KCNAB1: variants seen among roughly 807,000 people sequenced by gnomAD.
KCNAB1 encodes voltage-gated potassium channel subunit beta-1.
In KCNAB1, 35 loss-of-function variants were observed where a neutral mutation model predicts 64.6. The observed-to-expected ratio is 0.54, with a 90% confidence interval of 0.41 to 0.72. The LOEUF is 0.72. Ranked by LOEUF, KCNAB1 falls within the 30% of genes least tolerant of loss-of-function variation. The pLI, the probability that KCNAB1 is intolerant of heterozygous loss-of-function variation, is 0.00. For synonymous variants in KCNAB1, 177 were observed against 183.8 expected (o/e 0.96, Z 0.30); for missense variants, 401 against 512.9 (o/e 0.78, Z 2.11).
At chr3:156,347,526 C>T (rs1478230331) in intron 1 of KCNAB1, among the ~76,000 whole-genome samples, 1 of 152,190 alleles carries the variant, frequency 6.6e-6, no homozygotes, top group African/African-American at 2.4e-5. Context: ...TCTTCAGTTC[C>T]ATATTATAAA....
chr3:156,518,158 C>A (rs973588460), intron 11 of KCNAB1, among the ~76,000 whole-genome samples: 4 of 152,142 alleles, frequency 2.6e-5, no homozygotes, highest in Non-Finnish European at 4.4e-5. Flanking sequence ...AGCCCAAAAG[C>A]AGCTTGGGAA....
chr3:156,457,364 T>C, intron 3 of KCNAB1, 89 bp from the exon 4 acceptor site: 1 of 1,589,778 alleles, frequency 6.3e-7, no homozygotes, highest in Non-Finnish European at 8.6e-7. Context: ...GAGAGGTCAG[T>C]GTTCCTAAAG....
At chr3:156,222,794 A>G (rs1715866736) in intron 1 of KCNAB1, among the ~76,000 whole-genome samples, 1 of 152,244 alleles carries the variant, frequency 6.6e-6, no homozygotes. Context: ...AAACCATGCA[A>G]ATATATGGAA....
intron 1 of KCNAB1, among the ~76,000 whole-genome samples, chr3:156,174,309 C>T (rs1229455273): frequency 1.3e-5 from 2 of 152,084 alleles, no homozygotes; most frequent in African/African-American, 4.8e-5. Context: ...GTGGTTTGTT[C>T]TTGGGTAGGA....
chr3:156,465,965 TTTA>T (rs1358332514), intron 7 of KCNAB1, among the ~76,000 whole-genome samples: 17 of 152,172 alleles, frequency 1.1e-4, no homozygotes, highest in African/African-American at 3.6e-4. Flanking sequence ...TTAAAAGAGC[TTTA>T]TTGAGATATA....
intron 1 of KCNAB1, among the ~76,000 whole-genome samples, chr3:156,370,017 AAAT>A (rs1726196618): frequency 6.6e-6 from 1 of 152,244 alleles, no homozygotes; most frequent in Admixed American, 6.5e-5. Context: ...ATGCACAATA[AAAT>A]GTTCATAAAA....
At chr3:156,173,048 CTGGCAAGTGT>C (rs1327416766) in intron 1 of KCNAB1, among the ~76,000 whole-genome samples, 7 of 152,308 alleles carry the variant, frequency 4.6e-5, no homozygotes, top group African/African-American at 1.7e-4. Context: ...TTGAAAGCAT[CTGGCAAGTGT>C]TTAGAAAAGG....
intron 1 of KCNAB1, chr3:156,143,484 G>A: frequency 1.8e-6 from 2 of 1,113,196 alleles, no homozygotes; most frequent in Middle Eastern, 2.2e-4. Context: ...TGTTATTAAA[G>A]AAATAAGGAC....
chr3:156,180,904 T>G (rs1712763665), intron 1 of KCNAB1, among the ~76,000 whole-genome samples: 2 of 152,162 alleles, frequency 1.3e-5, no homozygotes, highest in Non-Finnish European at 2.9e-5. Context: ...ACAGACTAGG[T>G]GACTGAGGAA....
intron 8 of KCNAB1, among the ~76,000 whole-genome samples, chr3:156,492,331 T>C (rs901116273): frequency 1.3e-5 from 2 of 152,192 alleles, no homozygotes; most frequent in African/African-American, 4.8e-5. Context: ...CCCTTGAATC[T>C]GGACATGCTC....
At chr3:156,423,539 C>A (rs921809270) in intron 2 of KCNAB1, among the ~76,000 whole-genome samples, 6 of 151,978 alleles carry the variant, frequency 3.9e-5, no homozygotes, top group Non-Finnish European at 5.9e-5. Flanking sequence ...AGAAGACATG[C>A]GGGACAGAAG....
At chr3:156,427,924 T>C (rs533654853) in intron 2 of KCNAB1, among the ~76,000 whole-genome samples, 5 of 152,134 alleles carry the variant, frequency 3.3e-5, no homozygotes, top group African/African-American at 9.7e-5. Context: ...ATTCATTCCA[T>C]GGGAGGTAAC....
intron 1 of KCNAB1, among the ~76,000 whole-genome samples, chr3:156,392,650 A>G (rs1195468044): frequency 6.6e-6 from 1 of 152,218 alleles, no homozygotes; most frequent in Non-Finnish European, 1.5e-5. Context: ...CAGATTAGGG[A>G]AAATCCCTTC....
chr3:156,516,100 G>A (rs1559925642), intron 10 of KCNAB1, among the ~76,000 whole-genome samples, 170 bp from the exon 11 acceptor site: 1 of 152,280 alleles, frequency 6.6e-6, no homozygotes, highest in East Asian at 1.9e-4. Context: ...AACACAATTT[G>A]TAAGCTCCTA....
intron 1 of KCNAB1, among the ~76,000 whole-genome samples, chr3:156,163,381 C>G (rs1304391982): frequency 6.6e-6 from 1 of 152,076 alleles, no homozygotes; most frequent in African/African-American, 2.4e-5. Flanking sequence ...TAAAAAAATG[C>G]CACATAGTCC....
intron 5 of KCNAB1, among the ~76,000 whole-genome samples, chr3:156,463,401 C>G (rs577289670): frequency 6.6e-6 from 1 of 152,180 alleles, no homozygotes; most frequent in African/African-American, 2.4e-5. Flanking sequence ...CTTTACTTTG[C>G]TATGTCGACA....
chr3:156,199,750 A>G (rs139745375), intron 1 of KCNAB1, among the ~76,000 whole-genome samples: 159 of 152,286 alleles, frequency 1.0e-3, no homozygotes, highest in African/African-American at 3.7e-3. Flanking sequence ...GCTTCCTTGT[A>G]TTGGGTTAGA....
intron 1 of KCNAB1, among the ~76,000 whole-genome samples, chr3:156,199,132 G>A (rs1224641146): frequency 4.6e-5 from 7 of 151,954 alleles, no homozygotes; most frequent in Non-Finnish European, 1.0e-4. Context: ...CTTTAAGAAT[G>A]TTAAATATTG....
In KCNAB1 at chr3:156,354,041, A is replaced by G. The variant is rs561859021; in HGVS notation, c.276-67575A>G. Among the ~76,000 whole-genome samples, 13 of 118,082 alleles carry G rather than the reference A, an allele frequency of 1.1e-4. No individual in the cohort carries two copies. In the South Asian group the frequency reaches 1.8e-3, roughly 16 times the overall value. The allele number at this position is 118,082 out of a possible 152,430, so 77.5% of individuals were successfully genotyped here. ...AGGTATTGTCATAATGTGTGTGTGT[A>G]TATATATGTGTGTGTGTGTGTGTGT... On this transcript the variant is annotated intron_variant, in intron 1 of 13. Coordinates refer to ENST00000490337, the MANE Select transcript of KCNAB1 (RefSeq NM_172160.3).
Sources: gnomAD v4.1 joint callset for allele counts (sites outside exome capture counted in the v4.1 genomes callset) on GRCh38, gnomAD v4.1.1 for gene constraint, MANE v1.5 for transcripts, NCBI Gene and HGNC (gene_info 2026-07-23, HGNC 2026-07-21) for gene names.